Variants in PROM1 observed in about 807,000 individuals in gnomAD.
The protein encoded by PROM1 is prominin-1.
PROM1 carries 105 observed loss-of-function variants against 116.9 expected under a neutral mutation model. That is an observed-to-expected ratio of 0.90 (90% CI 0.77 to 1.06). The LOEUF (loss-of-function observed/expected upper bound fraction) is 1.06, where lower values mean the gene tolerates loss of function less well. PROM1 is among the 50% of genes least tolerant of loss of function. The pLI is 0.00. For synonymous variants in PROM1, 393 were observed against 387.0 expected (o/e 1.02, Z -0.18); for missense variants, 1,122 against 1,045.2 (o/e 1.07, Z -1.01).
chr4:16,010,461 T>A (rs910480612), intron 11 of PROM1, among the ~76,000 whole-genome samples: 1 of 152,196 alleles, frequency 6.6e-6, no homozygotes. Flanking sequence ...GAGAACAGAA[T>A]GGTAGCTTGG....
At chr4:16,072,277 C>T (rs1445224114) in intron 2 of PROM1, among the ~76,000 whole-genome samples, 1 of 152,084 alleles carries the variant, frequency 6.6e-6, no homozygotes, top group Non-Finnish European at 1.5e-5. Context: ...GTTTCAAATG[C>T]AAAATTTGGC....
chr4:16,063,925 T>A (rs979244475), intron 2 of PROM1, among the ~76,000 whole-genome samples: 1 of 152,038 alleles, frequency 6.6e-6, no homozygotes, highest in African/African-American at 2.4e-5. Context: ...TGGTAATGAG[T>A]TGAAAGTTGT....
At chr4:16,062,568 G>T (rs11734224) in intron 2 of PROM1, among the ~76,000 whole-genome samples, 107,164 of 152,096 alleles carry the variant, frequency 0.7, 38,053 homozygotes, top group Non-Finnish European at 0.76. Flanking sequence ...AAAAGTCTGG[G>T]GAGACAAACA....
chr4:16,004,053 T>C (rs1724569084), intron 13 of PROM1, among the ~76,000 whole-genome samples: 1 of 152,226 alleles, frequency 6.6e-6, no homozygotes, highest in African/African-American at 2.4e-5. Context: ...AAAAAGAAAC[T>C]GCATTCTTCT....
At chr4:16,055,440 G>T in intron 2 of PROM1, 2 of 456,134 alleles carry the variant, frequency 4.4e-6, no homozygotes, top group South Asian at 3.1e-5. Context: ...CTGGGCCTTT[G>T]TGTTCTCATC....
In PROM1 at chr4:16,009,586, A is replaced by G. The variant is rs546226149; in HGVS notation, c.1142-478T>C. Among the ~76,000 whole-genome samples, 826 of 152,256 alleles carry G rather than the reference A, an allele frequency of 5.4e-3. 8 individuals are homozygous for G. Among genetic ancestry groups the G allele is most frequent in the African/African-American group, 0.019 (770 of 41,530 alleles). On this transcript the variant is annotated intron_variant, in intron 11 of 27. Transcript: ENST00000447510. ...TTGAAATTCGGGTGTATCTGACTCTAACGTCCCCCTTACATGCTTTTGGGA... is the reference window on the plus strand; with the variant it reads ...TTGAAATTCGGGTGTATCTGACTCTGACGTCCCCCTTACATGCTTTTGGGA...
Position 15,980,532 on chromosome 4 carries a change from C to T in PROM1, c.2379G>A (p.Leu793=), listed in dbSNP as rs1717554430. 4 of 1,502,730 alleles carry T rather than the reference C, an allele frequency of 2.7e-6. No individual in the cohort carries two copies. The South Asian group carries it at 5.0e-5, about 19-fold the overall frequency. The allele number at this position is 1,502,730 out of a possible 1,614,324, so 93.1% of individuals were successfully genotyped here. A position where few individuals can be genotyped will look rare whatever the true frequency, so the allele number is the denominator to read the frequency against. ...LCSYIIDPLN[L]FWFGIGKATV... is the part of the protein sequence containing the mutation. ...TAGCTTTTCCTATGCCAAACCAAAA[C>T]AAATTCTAGGAAAAAAAAATCAGAA... is the stretch of plus-strand genomic sequence containing the variant. The change falls in exon 24 of 28, where the codon TTG becomes TTA. Residue 793 remains leucine, a synonymous_variant. Coordinates refer to ENST00000447510, the MANE Select transcript of PROM1 (RefSeq NM_006017.3).
chr4:16,000,999 G>A (rs1270334554), intron 13 of PROM1, among the ~76,000 whole-genome samples: 1 of 152,224 alleles, frequency 6.6e-6, no homozygotes, highest in African/African-American at 2.4e-5. Context: ...AGCACAACCC[G>A]ACTTCTCTCT....
chr4:16,002,174 G>T (rs900570309), intron 13 of PROM1, among the ~76,000 whole-genome samples: 2 of 152,000 alleles, frequency 1.3e-5, no homozygotes, highest in African/African-American at 4.8e-5. Context: ...GTATCAGAGT[G>T]AAAAGACTGT....
intron 2 of PROM1, among the ~76,000 whole-genome samples, chr4:16,061,114 T>G (rs570748036): frequency 2.6e-5 from 4 of 152,318 alleles, no homozygotes; most frequent in Admixed American, 1.3e-4. Flanking sequence ...TAACAAGCAG[T>G]TATCTTGGAA....
At chr4:16,058,458 G>C (rs1739536932) in intron 2 of PROM1, among the ~76,000 whole-genome samples, 1 of 152,068 alleles carries the variant, frequency 6.6e-6, no homozygotes, top group Non-Finnish European at 1.5e-5. Context: ...GACCAGCCTG[G>C]ACAACATGGT....
intron 2 of PROM1, among the ~76,000 whole-genome samples, chr4:16,062,697 T>C (rs11731384): frequency 0.75 from 113,809 of 152,118 alleles, 42,670 homozygotes; most frequent in Non-Finnish European, 0.77. Context: ...TGATTTATAT[T>C]AGAAACACTA....
intron 3 of PROM1, among the ~76,000 whole-genome samples, chr4:16,036,325 G>A (rs533854357): frequency 1.3e-5 from 2 of 152,186 alleles, no homozygotes; most frequent in South Asian, 4.2e-4. Flanking sequence ...AAATATTCTG[G>A]TCCAGGAAAT....
chr4:16,062,216 C>A (rs1740516426), intron 2 of PROM1, among the ~76,000 whole-genome samples: 1 of 152,024 alleles, frequency 6.6e-6, no homozygotes, highest in African/African-American at 2.4e-5. Context: ...AAGAAGACAC[C>A]AGTCATATTG....
In PROM1 at chr4:16,039,112, T is replaced by C. The variant is rs909592646; in HGVS notation, c.221-111A>G. ...AAAATTATTATACCTATATTTCTAT[T>C]ATTCTTATAATTTTATTCTTATTTC... On this transcript the variant is annotated intron_variant, in intron 2 of 27. Coordinates refer to ENST00000447510, the MANE Select transcript of PROM1 (RefSeq NM_006017.3). 17 of 851,636 alleles carry C rather than the reference T, an allele frequency of 2.0e-5. No homozygotes were observed. The Admixed American group carries it at 4.6e-4, about 23-fold the overall frequency. The allele number at this position is 851,636 out of a possible 1,614,324, so 52.8% of individuals were successfully genotyped here.
chr4:16,078,829 C>T lies in PROM1; in HGVS notation c.-212-2711G>A, dbSNP rs147980402. On this transcript the variant is annotated intron_variant, in intron 1 of 27. Transcript: ENST00000447510. ...AAAGATGTTAATTCATATCTAATCC[C>T]TCCATTGCCTCATCTTCTAAGTCCT... Among the ~76,000 whole-genome samples the T allele has an allele frequency of 1.0e-3, 154 of 152,260 alleles. 1 individual carries two copies. The highest frequency in any genetic ancestry group is 3.5e-3 in the African/African-American group (144 of 41,532).
intron 2 of PROM1, among the ~76,000 whole-genome samples, chr4:16,043,996 G>A (rs576603881): frequency 2.7e-4 from 41 of 152,300 alleles, no homozygotes; most frequent in African/African-American, 9.4e-4. Context: ...TCTTAGCTTC[G>A]TGGGATTCTC....
intron 26 of PROM1, chr4:15,971,899 C>T (rs554112734): frequency 1.3e-5 from 2 of 152,338 alleles, no homozygotes; most frequent in East Asian, 3.9e-4. Context: ...TCTTGCACTA[C>T]CTTTTATGCT....
intron 16 of PROM1, 128 bp downstream of exon 16, chr4:15,993,859 C>A: frequency 1.4e-6 from 2 of 1,455,202 alleles, no homozygotes; most frequent in Non-Finnish European, 9.1e-7. Context: ...GTAAATATAC[C>A]AAACATCACT....
Sources: allele counts gnomAD v4.1 joint callset (sites outside exome capture counted in the v4.1 genomes callset), GRCh38; gene constraint gnomAD v4.1.1; transcripts MANE v1.5; gene names NCBI Gene and HGNC (gene_info 2026-07-23, HGNC 2026-07-21).